EPHA6: variants seen among roughly 807,000 people sequenced by gnomAD.
The protein encoded by EPHA6 is ephrin type-A receptor 6.
In EPHA6, 50 loss-of-function variants were observed where a neutral mutation model predicts 112.0. The ratio of observed to expected loss-of-function variants is 0.45; its 90% CI spans 0.36 to 0.56. The LOEUF is 0.56. Ranked by LOEUF, EPHA6 falls within the 20% of genes least tolerant of loss-of-function variation. The probability of loss-of-function intolerance (pLI) is 0.00; values close to 1 mark genes in which losing one functional copy is unlikely to be tolerated. For missense variants in EPHA6, 1,280 were observed against 1,417.4 expected (o/e 0.90, Z 1.56); for synonymous variants, 529 against 490.7 (o/e 1.08, Z -1.03).
chr3:97,024,898 G>A (rs1189746801), intron 3 of EPHA6, among the ~76,000 whole-genome samples: 2 of 152,002 alleles, frequency 1.3e-5, no homozygotes, highest in African/African-American at 4.8e-5. Flanking sequence ...CAAACTATCT[G>A]GTTTCCAAAA....
chr3:97,709,641 G>A (rs577188412), intron 14 of EPHA6, among the ~76,000 whole-genome samples: 1 of 152,288 alleles, frequency 6.6e-6, no homozygotes, highest in South Asian at 2.1e-4. Flanking sequence ...GGCCAGGGTG[G>A]ATTGATATGG....
intron 12 of EPHA6, among the ~76,000 whole-genome samples, chr3:97,599,159 G>C (rs1451876097): frequency 6.6e-6 from 1 of 151,610 alleles, no homozygotes; most frequent in Non-Finnish European, 1.5e-5. Context: ...GTAGATTCTG[G>C]ATATTAGCCC....
At chr3:97,474,155 T>C (rs1191320608) in intron 7 of EPHA6, among the ~76,000 whole-genome samples, 1 of 151,888 alleles carries the variant, frequency 6.6e-6, no homozygotes, top group Non-Finnish European at 1.5e-5. Context: ...CATAATATAC[T>C]GCATACTCAA....
chr3:97,600,636 A>G (rs1002912795), intron 12 of EPHA6, among the ~76,000 whole-genome samples: 1 of 152,088 alleles, frequency 6.6e-6, no homozygotes, highest in Admixed American at 6.6e-5. Flanking sequence ...AAGAAAATGG[A>G]CATGTGATCA....
chr3:97,052,671 C>T (rs1026974463), intron 3 of EPHA6, among the ~76,000 whole-genome samples: 2 of 152,136 alleles, frequency 1.3e-5, no homozygotes, highest in East Asian at 1.9e-4. Flanking sequence ...GAAGCCATTA[C>T]CAAGCTGCTT....
At chr3:97,727,920 G>A (rs1386098) in intron 15 of EPHA6, among the ~76,000 whole-genome samples, 149,230 of 152,092 alleles carry the variant, frequency 0.98, 73,232 homozygotes, top group East Asian at 0.99. Flanking sequence ...AGTAAACAAT[G>A]CGGTACTACC....
intron 2 of EPHA6, among the ~76,000 whole-genome samples, chr3:96,976,077 G>A (rs1322768184): frequency 1.3e-5 from 2 of 152,060 alleles, no homozygotes; most frequent in Non-Finnish European, 2.9e-5. Context: ...ACTTTATCCT[G>A]TAATTTGTAC....
intron 3 of EPHA6, among the ~76,000 whole-genome samples, chr3:97,033,646 T>C (rs773085505): frequency 1.3e-4 from 19 of 151,836 alleles, no homozygotes; most frequent in African/African-American, 4.1e-4. Flanking sequence ...CTAGTAACAA[T>C]AAAAGATGAT....
intron 10 of EPHA6, among the ~76,000 whole-genome samples, chr3:97,528,907 T>C (rs1264989153): frequency 6.6e-6 from 1 of 152,156 alleles, no homozygotes; most frequent in African/African-American, 2.4e-5. Context: ...TTATCCTATA[T>C]ATAATTTTGT....
intron 6 of EPHA6, among the ~76,000 whole-genome samples, chr3:97,410,898 G>C (rs145509448): frequency 1.3e-5 from 2 of 152,186 alleles, no homozygotes; most frequent in African/African-American, 4.8e-5. Context: ...TAACTGGCTA[G>C]CATCTCTGTA....
In EPHA6 at chr3:97,646,160, A is replaced by G. The variant is rs1284661561; in HGVS notation, c.2784+8078A>G. The G allele has an allele frequency of 3.3e-6, 5 of 1,535,482 alleles. No homozygotes were observed. In the Admixed American group the frequency reaches 9.8e-5, roughly 30 times the overall value. On this transcript the variant is annotated intron_variant, in intron 14 of 17. Transcript: ENST00000389672. Reference sequence around the variant, plus strand: ...ACAAAGAGCAATCAGAACTGGTTAAAGAAGATGGTCTGGAAAGCTTGTGTG... The same window carrying G: ...ACAAAGAGCAATCAGAACTGGTTAAGGAAGATGGTCTGGAAAGCTTGTGTG...
At chr3:96,887,665 T>C (rs1575929694) in intron 2 of EPHA6, among the ~76,000 whole-genome samples, 1 of 152,160 alleles carries the variant, frequency 6.6e-6, no homozygotes, top group South Asian at 2.1e-4. Context: ...CAGGATTATA[T>C]GCCCTTTGTT....
chr3:97,312,857 T>C (rs2081626114), intron 5 of EPHA6, among the ~76,000 whole-genome samples: 1 of 151,526 alleles, frequency 6.6e-6, no homozygotes, highest in Non-Finnish European at 1.5e-5. Flanking sequence ...AGGAAGAAAC[T>C]CCCAGTTAGT....
chr3:97,726,703 T>C (rs1331830044), intron 15 of EPHA6, among the ~76,000 whole-genome samples: 1 of 152,074 alleles, frequency 6.6e-6, no homozygotes, highest in Admixed American at 6.6e-5. Context: ...AAGTTCGAAA[T>C]AGTTATTATT....
At chr3:96,907,249 G>A (rs2107591903) in intron 2 of EPHA6, among the ~76,000 whole-genome samples, 1 of 151,878 alleles carries the variant, frequency 6.6e-6, no homozygotes, top group South Asian at 2.1e-4. Context: ...TTTAAGAGTA[G>A]TCATTTATTT....
rs554665323 is a variant in EPHA6, at chr3:97,175,154, G to T, written c.1115-51110G>T. ...TCCCAGCACCATTTGTTGAAGGACT[G>T]TCTTTTCCCCAGTGTATGTTCTTAG... On this transcript the variant is annotated intron_variant, in intron 3 of 17. Coordinates refer to ENST00000389672, the MANE Select transcript of EPHA6 (RefSeq NM_001080448.3). Among the ~76,000 whole-genome samples, 18 of 151,896 alleles carry T rather than the reference G, an allele frequency of 1.2e-4. No individual in the cohort carries two copies. The South Asian group carries it at 3.5e-3, about 30-fold the overall frequency.
At position 96,829,938 on chromosome 3, in the gene EPHA6, T is replaced by TGTGC. The variant is rs2033916785; in HGVS notation, c.385+14931_385+14932insTGCG. On this transcript the variant is annotated intron_variant, in intron 1 of 17. Coordinates refer to ENST00000389672, the MANE Select transcript of EPHA6 (RefSeq NM_001080448.3). ...GTCTGTATACACATGCACGTGCATG[T>TGTGC]GCGCGCGCGCGCACACACACACACA... 2.5e-5 allele frequency among the ~76,000 whole-genome samples: 3 copies of TGTGC among 120,222 alleles called. No individual in the cohort carries two copies. The South Asian group carries it at 9.2e-4, about 37-fold the overall frequency. The allele number at this position is 120,222 out of a possible 152,430, so 78.9% of individuals were successfully genotyped here. A position where few individuals can be genotyped will look rare whatever the true frequency, so the allele number is the denominator to read the frequency against.
intron 2 of EPHA6, among the ~76,000 whole-genome samples, chr3:96,924,337 T>C (rs2039924494): frequency 6.6e-6 from 1 of 152,158 alleles, no homozygotes; most frequent in African/African-American, 2.4e-5. Context: ...CAGTATTTTG[T>C]AGTTCTCCCT....
At chr3:97,270,719 C>T (rs2079849817) in intron 5 of EPHA6, among the ~76,000 whole-genome samples, 1 of 152,290 alleles carries the variant, frequency 6.6e-6, no homozygotes, top group African/African-American at 2.4e-5. Context: ...TACTCAGTAA[C>T]AAGGTTGCCC....
Sources: allele counts gnomAD v4.1 joint callset (sites outside exome capture counted in the v4.1 genomes callset), GRCh38; gene constraint gnomAD v4.1.1; transcripts MANE v1.5; gene names NCBI Gene and HGNC (gene_info 2026-07-23, HGNC 2026-07-21).